Variants in STK39 observed in about 807,000 individuals in gnomAD.
STK39 encodes serine/threonine kinase 39, also known as STE20/SPS1-related proline-alanine-rich protein kinase.
A neutral mutation model predicts 77.8 loss-of-function variants in STK39; 20 were observed. The ratio of observed to expected loss-of-function variants is 0.26; its 90% confidence interval spans 0.18 to 0.37. The LOEUF (loss-of-function observed/expected upper bound fraction) is 0.37, where lower values mean the gene tolerates loss of function less well. Among genes scored for constraint, STK39 ranks in the 10% least tolerant of loss-of-function variants. The pLI is 1.00. For synonymous variants in STK39, 246 were observed against 234.1 expected (o/e 1.05, Z -0.47); for missense variants, 479 against 656.5 (o/e 0.73, Z 2.95).
Position 168,161,861 on chromosome 2 carries a change from G to T in STK39, c.573-19C>A. 2 of 1,593,472 alleles carry T rather than the reference G, an allele frequency of 1.3e-6. No individual in the cohort carries two copies. Among genetic ancestry groups the T allele is most frequent in the Admixed American group, 1.7e-5 (1 of 59,182 alleles). ...CAAATCCCTATTAGAAAAAAAAATA[G>T]AAAATAAATTGTAGGGTACAGACTT... On this transcript the variant is annotated intron_variant, in intron 4 of 17. Transcript: ENST00000355999.
At chr2:168,009,735 G>A (rs770298619) in intron 16 of STK39, among the ~76,000 whole-genome samples, 5 of 152,128 alleles carry the variant, frequency 3.3e-5, no homozygotes, top group African/African-American at 9.7e-5. Context: ...AGTTAGATAT[G>A]CCTGTTCTTA....
Position 168,247,442 on chromosome 2 carries a change from GC to G in STK39, c.-8del. The G allele has an allele frequency of 7.7e-7, 1 of 1,294,836 alleles. No individual in the cohort carries two copies. Among genetic ancestry groups the G allele is most frequent in the Non-Finnish European group, 9.9e-7 (1 of 1,008,610 alleles). 80.2% of individuals were successfully genotyped at this position (1,294,836 alleles called of 1,614,324 possible). The stretch of plus-strand genomic sequence containing the variant: ...AGCCGCTCGGCTCCGCCATGATGCT[GC>G]GGAGGAGAGCAGGAGGACGCGCCGG... On this transcript the variant is annotated 5_prime_UTR_variant, in exon 1 of 18. Transcript: ENST00000355999.
intron 10 of STK39, among the ~76,000 whole-genome samples, chr2:168,101,774 A>G (rs1686833949): frequency 6.6e-6 from 1 of 152,168 alleles, no homozygotes; most frequent in Non-Finnish European, 1.5e-5. Context: ...AATAAAATAT[A>G]TACATTTTTA....
chr2:167,964,935 T>C (rs1287907735), intron 16 of STK39, among the ~76,000 whole-genome samples: 1 of 152,234 alleles, frequency 6.6e-6, no homozygotes, highest in African/African-American at 2.4e-5. Flanking sequence ...CTTGTATCTA[T>C]GCACATCTGA....
At chr2:167,959,686 C>A (rs1691890623) in intron 17 of STK39, among the ~76,000 whole-genome samples, 1 of 152,148 alleles carries the variant, frequency 6.6e-6, no homozygotes, top group Non-Finnish European at 1.5e-5. Context: ...AAAGATGTGT[C>A]CTGTAGCTGA....
At chr2:168,141,063 C>T (rs1355637196) in intron 5 of STK39, among the ~76,000 whole-genome samples, 3 of 152,202 alleles carry the variant, frequency 2.0e-5, no homozygotes. Context: ...ATAAAGCCAA[C>T]ATGCCCGAGT....
At chr2:168,140,159 C>T (rs1687943647) in intron 7 of STK39, 130 bp downstream of exon 7, 1 of 761,186 alleles carries the variant, frequency 1.3e-6, no homozygotes, top group Non-Finnish European at 2.2e-6. Flanking sequence ...AGACAATGTT[C>T]AACTTGGCTG....
chr2:168,103,397 T>G (rs566320660), intron 10 of STK39, among the ~76,000 whole-genome samples: 1 of 152,338 alleles, frequency 6.6e-6, no homozygotes, highest in South Asian at 2.1e-4. Flanking sequence ...GGCTTCAAAA[T>G]AGCCCACAGC....
Position 168,138,206 on chromosome 2 carries a change from A to G in STK39, c.856T>C (p.Leu286=), listed in dbSNP as rs750910662. ...YPPMKVLMLT[L]QNDPPTLETG... ...TCCAAAGTGGGTGGATCATTTTGCA[A>G]AGTCAACATTAACACCTGCAGCAGA... The change falls in exon 8 of 18, where the codon TTG becomes CTG. Residue 286 remains leucine (L), a synonymous_variant. Transcript: ENST00000355999. 2.5e-6 allele frequency: 4 copies of G among 1,612,636 alleles called. No individual in the cohort carries two copies. In the Admixed American group the frequency reaches 6.7e-5, roughly 27 times the overall value.
chr2:168,073,509 C>T (rs1685996500), intron 12 of STK39, among the ~76,000 whole-genome samples: 1 of 152,208 alleles, frequency 6.6e-6, no homozygotes. Flanking sequence ...AAATAGAGTT[C>T]ATGATACATG....
chr2:167,963,119 A>C (rs1692040496), intron 17 of STK39, among the ~76,000 whole-genome samples: 1 of 152,212 alleles, frequency 6.6e-6, no homozygotes. Flanking sequence ...AAAAGCTGAC[A>C]AACTGGTGGC....
intron 16 of STK39, among the ~76,000 whole-genome samples, chr2:168,008,890 G>A (rs935107353): frequency 3.3e-5 from 5 of 152,202 alleles, no homozygotes; most frequent in African/African-American, 1.2e-4. Flanking sequence ...TAAGGACTGA[G>A]GATGAGCCTC....
At chr2:168,193,880 T>A (rs958194837) in intron 1 of STK39, among the ~76,000 whole-genome samples, 2 of 152,140 alleles carry the variant, frequency 1.3e-5, no homozygotes, top group Admixed American at 6.5e-5. Context: ...AGAGGTGGCA[T>A]AACTTCCCTA....
At position 168,079,318 on chromosome 2, in the gene STK39, T is replaced by A. The variant is rs1245080750; in HGVS notation, c.1090-4087A>T. 5.9e-5 allele frequency among the ~76,000 whole-genome samples: 9 copies of A among 152,248 alleles called. No individual in the cohort carries two copies. The South Asian group carries it at 1.9e-3, about 32-fold the overall frequency. On this transcript the variant is annotated intron_variant, in intron 10 of 17. Transcript: ENST00000355999. ...CCCCTCCCGGCTCTACTCCTCAGCA[T>A]GCAAGGCCTGGCACCCACAGCTGAC...
intron 10 of STK39, among the ~76,000 whole-genome samples, chr2:168,103,744 G>C (rs972368354): frequency 4.6e-5 from 7 of 152,120 alleles, no homozygotes; most frequent in African/African-American, 1.7e-4. Flanking sequence ...ATACCAATTT[G>C]AATTTGACAG....
intron 5 of STK39, among the ~76,000 whole-genome samples, chr2:168,157,346 T>C (rs1437972438): frequency 3.3e-5 from 5 of 152,222 alleles, no homozygotes; most frequent in Non-Finnish European, 7.3e-5. Context: ...TCCAGGCTGC[T>C]TTCGCTCAGT....
Position 168,247,421 on chromosome 2 carries a change from G to T in STK39, c.15C>A (p.Ser5Arg). The T allele has an allele frequency of 1.6e-6, 2 of 1,236,818 alleles. No homozygotes were observed. Among genetic ancestry groups the T allele is most frequent in the South Asian group, 2.3e-5 (1 of 42,742 alleles). 76.6% of individuals were successfully genotyped at this position (1,236,818 alleles called of 1,614,324 possible). A position where few individuals can be genotyped will look rare whatever the true frequency, so the allele number is the denominator to read the frequency against. Residue 5 changes from serine to arginine, a missense_variant, in exon 1 of 18, where the codon AGC (serine) becomes AGA (arginine). Physicochemically the swap from Ser to Arg is moderately radical, Grantham distance 110 (BLOSUM62 -1). Coordinates refer to ENST00000355999, the MANE Select transcript of STK39 (RefSeq NM_013233.3). ...GAAGCTGGACGTGCACGGGCGAGCCGCTCGGCTCCGCCATGATGCTGCGGA... is the reference window on the plus strand; with the variant it reads ...GAAGCTGGACGTGCACGGGCGAGCCTCTCGGCTCCGCCATGATGCTGCGGA... MAEP[S>R]GSPVHVQLPQ...
chr2:168,160,450 G>A (rs1218560991), intron 5 of STK39, among the ~76,000 whole-genome samples: 1 of 132,894 alleles, frequency 7.5e-6, no homozygotes, highest in Non-Finnish European at 1.7e-5. Context: ...CGTAGTAACA[G>A]AAGTAATAGT....
At chr2:168,032,829 G>C (rs764205840) in intron 14 of STK39, among the ~76,000 whole-genome samples, 21 of 152,230 alleles carry the variant, frequency 1.4e-4, no homozygotes, top group Non-Finnish European at 3.1e-4. Flanking sequence ...TAACATATAG[G>C]AGAGCTTTCC....
Sources: allele counts gnomAD v4.1 joint callset (sites outside exome capture counted in the v4.1 genomes callset), GRCh38; gene constraint gnomAD v4.1.1; transcripts MANE v1.5; gene names NCBI Gene and HGNC (gene_info 2026-07-23, HGNC 2026-07-21).